Variants in HIF1AN observed in about 807,000 individuals in gnomAD.
HIF1AN encodes the protein hypoxia-inducible factor 1-alpha inhibitor.
Under a neutral mutation model 47.7 loss-of-function variants are expected in HIF1AN, and 21 were observed. That is an observed-to-expected ratio of 0.44 (90% CI 0.31 to 0.63). The LOEUF is 0.63. HIF1AN is among the 30% of genes least tolerant of loss of function. The pLI, the probability that HIF1AN is intolerant of heterozygous loss-of-function variation, is 0.07. For synonymous variants in HIF1AN, 152 were observed against 155.9 expected (o/e 0.98, Z 0.18); for missense variants, 320 against 432.7 (o/e 0.74, Z 2.31).
In HIF1AN at chr10:100,547,308, A is replaced by T. The variant is rs1843103643; in HGVS notation, c.1005+58A>T. On this transcript the variant is annotated intron_variant, in intron 7 of 7. Coordinates refer to ENST00000299163, the MANE Select transcript of HIF1AN (RefSeq NM_017902.3). ...GGGTTGACCAAGGAAAGTCAGGATC[A>T]GAGCGACATTCTTTACAGCTTCTGT... 18 of 1,000,472 alleles carry T rather than the reference A, an allele frequency of 1.8e-5. No individual in the cohort carries two copies. In the East Asian group the frequency reaches 4.5e-4, roughly 25 times the overall value. The allele number at this position is 1,000,472 out of a possible 1,614,324, so 62.0% of individuals were successfully genotyped here. A position where few individuals can be genotyped will look rare whatever the true frequency, so the allele number is the denominator to read the frequency against.
Position 100,549,825 on chromosome 10 carries a change from T to C in HIF1AN, c.*1688T>C, listed in dbSNP as rs1431496765. ...GGCTCTCACCCCTGAAGCTCAGTTA[T>C]AGTGCACTGATGAACTGAGAGGATG... On this transcript the variant is annotated 3_prime_UTR_variant, in exon 8 of 8. Transcript: ENST00000299163. 4 of 152,002 alleles carry C rather than the reference T, an allele frequency of 2.6e-5. No homozygotes were observed. The highest frequency in any genetic ancestry group is 3.2e-3 in the Middle Eastern group (1 of 316). The allele number at this position is 152,002 out of a possible 1,614,324, so 9.4% of individuals were successfully genotyped here.
At position 100,545,022 on chromosome 10, in the gene HIF1AN, A is replaced by G; in HGVS notation, c.649A>G (p.Ile217Val). Reference protein sequence around the residue: ...FAQIKGYKRCILFPPDQFECL... With the variant: ...FAQIKGYKRCVLFPPDQFECL... The stretch of plus-strand genomic sequence containing the variant: ...TCAGATAAAAGGTTACAAACGATGC[A>G]TCTTATTCCCTCCGGATCAGTTCGA... The change falls in exon 4 of 8, where the codon ATC becomes GTC. Residue 217 changes from isoleucine to valine, a missense_variant. Around this residue, in one of 2 missense-constraint regions of HIF1AN, gnomAD observed 161 missense variants for 272.8 expected, o/e 0.59. Coordinates refer to ENST00000299163, the MANE Select transcript of HIF1AN (RefSeq NM_017902.3). 1.2e-6 allele frequency: 2 copies of G among 1,614,212 alleles called. No homozygotes were observed. Among genetic ancestry groups the G allele is most frequent in the Non-Finnish European group, 8.5e-7 (1 of 1,180,012 alleles).
Position 100,554,211 on chromosome 10 carries a change from A to G in HIF1AN, c.*6074A>G, listed in dbSNP as rs561065403. 3.4e-4 allele frequency: 52 copies of G among 152,298 alleles called. No homozygotes were observed. Among genetic ancestry groups the G allele is most frequent in the African/African-American group, 1.1e-3 (44 of 41,562 alleles). 9.4% of individuals were successfully genotyped at this position (152,298 alleles called of 1,614,324 possible). ...CTGAGCTCCCCTTGCACTGTGTGAGAGGCCGTGGAGCCGAATGAGTCCTTA... is the reference window on the plus strand; with the variant it reads ...CTGAGCTCCCCTTGCACTGTGTGAGGGGCCGTGGAGCCGAATGAGTCCTTA... On this transcript the variant is annotated 3_prime_UTR_variant, in exon 8 of 8. Coordinates refer to ENST00000299163, the MANE Select transcript of HIF1AN (RefSeq NM_017902.3).
chr10:100,543,234 T>C (rs1490182112), intron 3 of HIF1AN, among the ~76,000 whole-genome samples: 1 of 152,068 alleles, frequency 6.6e-6, no homozygotes, highest in Non-Finnish European at 1.5e-5. Flanking sequence ...CTGTCACCCA[T>C]GCTGGTGTGC....
Position 100,548,075 on chromosome 10 carries a change from C to T in HIF1AN, c.1006-18C>T, listed in dbSNP as rs1205358282. ...AGGGAACAGCCAGTTCTGATTGGCT[C>T]CTCATGTTTCTTTACAGGTGGGGCC... On this transcript the variant is annotated intron_variant, in intron 7 of 7. Transcript: ENST00000299163. 8 of 1,613,676 alleles carry T rather than the reference C, an allele frequency of 5.0e-6. No individual in the cohort carries two copies. Among genetic ancestry groups the T allele is most frequent in the Admixed American group, 1.7e-5 (1 of 59,980 alleles).
chr10:100,544,885 G>A lies in HIF1AN; in HGVS notation c.578-66G>A, dbSNP rs148759742. The A allele has an allele frequency of 1.7e-5, 25 of 1,508,312 alleles. No individual in the cohort carries two copies. The East Asian group carries it at 5.7e-4, about 34-fold the overall frequency. 93.4% of individuals were successfully genotyped at this position (1,508,312 alleles called of 1,614,324 possible). Reference sequence around the variant, plus strand: ...AGGCTGGGTTTCTCTTTAGCACTGGGTCCTGTATTCCAGCTTATGCAATAG... The same window carrying A: ...AGGCTGGGTTTCTCTTTAGCACTGGATCCTGTATTCCAGCTTATGCAATAG... On this transcript the variant is annotated intron_variant, in intron 3 of 7. Coordinates refer to ENST00000299163, the MANE Select transcript of HIF1AN (RefSeq NM_017902.3).
In HIF1AN at chr10:100,554,925, C is replaced by T. The variant is rs948829415; in HGVS notation, c.*6788C>T. 6.6e-6 allele frequency: 1 copy of T among 152,096 alleles called. No individual in the cohort carries two copies. Among genetic ancestry groups the T allele is most frequent in the African/African-American group, 2.4e-5 (1 of 41,396 alleles). 9.4% of individuals were successfully genotyped at this position (152,096 alleles called of 1,614,324 possible). A position where few individuals can be genotyped will look rare whatever the true frequency, so the allele number is the denominator to read the frequency against. On this transcript the variant is annotated 3_prime_UTR_variant, in exon 8 of 8. Transcript: ENST00000299163. ...CTACCATTTGTTGAACACTTCTGTT[C>T]CAGGCACTGTATTAGTTCGTCCCCA...
Position 100,536,106 on chromosome 10 carries a change from C to T in HIF1AN, c.148C>T (p.Pro50Ser). Reference protein sequence around the residue: ...RPIPRLSQSDPRAEELIENEE... With the variant: ...RPIPRLSQSDSRAEELIENEE... ...CATTCCGCGTCTGAGTCAGAGCGACCCCCGGGCAGAGGAGCTTATTGAGAA... is the reference window on the plus strand; with the variant it reads ...CATTCCGCGTCTGAGTCAGAGCGACTCCCGGGCAGAGGAGCTTATTGAGAA... The change falls in exon 1 of 8, where the codon CCC (proline) becomes TCC (serine). Residue 50 changes from proline to serine, a missense_variant. Coordinates refer to ENST00000299163, the MANE Select transcript of HIF1AN (RefSeq NM_017902.3). 6.2e-7 allele frequency: 1 copy of T among 1,606,774 alleles called. No individual in the cohort carries two copies. The highest frequency in any genetic ancestry group is 1.7e-5 in the Admixed American group (1 of 58,708).
rs1016057520 is a variant in HIF1AN at position 100,550,411 on chromosome 10, C to T, written c.*2274C>T. On this transcript the variant is annotated 3_prime_UTR_variant, in exon 8 of 8. Transcript: ENST00000299163. The stretch of plus-strand genomic sequence containing the variant: ...TCTCACTTACAGATGAATAAATGGG[C>T]TCAGAGAGATTAGGTGATTAGTGAC... 6.6e-6 allele frequency: 1 copy of T among 152,210 alleles called. No individual in the cohort carries two copies. Among genetic ancestry groups the T allele is most frequent in the Non-Finnish European group, 1.5e-5 (1 of 68,024 alleles). The allele number at this position is 152,210 out of a possible 1,614,324, so 9.4% of individuals were successfully genotyped here.
rs1205992909 is a variant in HIF1AN, at chr10:100,551,539, G to C, written c.*3402G>C. The stretch of plus-strand genomic sequence containing the variant: ...GGGACCCAGTTGCCAGCCTGAGATG[G>C]ATATAGGAACAGACATCTTTGGGCA... On this transcript the variant is annotated 3_prime_UTR_variant, in exon 8 of 8. Coordinates refer to ENST00000299163, the MANE Select transcript of HIF1AN (RefSeq NM_017902.3). The C allele has an allele frequency of 6.6e-6, 1 of 152,204 alleles. No homozygotes were observed. Among genetic ancestry groups the C allele is most frequent in the Non-Finnish European group, 1.5e-5 (1 of 68,058 alleles). 9.4% of individuals were successfully genotyped at this position (152,204 alleles called of 1,614,324 possible).
rs1315362648 is a variant in HIF1AN, at chr10:100,548,601, C to A, written c.*464C>A. Reference sequence around the variant, plus strand: ...GAGAGAGAGATGAGATGCTCTTGGACTCCCCACTGCATCTGGGCTGCAGGG... The same window carrying A: ...GAGAGAGAGATGAGATGCTCTTGGAATCCCCACTGCATCTGGGCTGCAGGG... On this transcript the variant is annotated 3_prime_UTR_variant, in exon 8 of 8. Transcript: ENST00000299163. 1 of 156,846 alleles carries A rather than the reference C, an allele frequency of 6.4e-6. No homozygotes were observed. Among genetic ancestry groups the A allele is most frequent in the Non-Finnish European group, 1.4e-5 (1 of 70,544 alleles). 9.7% of individuals were successfully genotyped at this position (156,846 alleles called of 1,614,324 possible).
chr10:100,547,021 T>G (rs1843100426), intron 6 of HIF1AN, 119 bp from the exon 7 acceptor site: 1 of 723,754 alleles, frequency 1.4e-6, no homozygotes, highest in African/African-American at 1.8e-5. Context: ...ATTATAGGCC[T>G]GAGTCACCGT....
chr10:100,548,940 T>A lies in HIF1AN; in HGVS notation c.*803T>A, dbSNP rs1843123443. On this transcript the variant is annotated 3_prime_UTR_variant, in exon 8 of 8. Coordinates refer to ENST00000299163, the MANE Select transcript of HIF1AN (RefSeq NM_017902.3). The stretch of plus-strand genomic sequence containing the variant: ...GCCCCTATGCTGGGTACCAAGGGAG[T>A]TCTCCTAGCTGTGGCTTCTCTAGGT... The A allele has an allele frequency of 6.6e-6, 1 of 152,304 alleles. No individual in the cohort carries two copies. Among genetic ancestry groups the A allele is most frequent in the Non-Finnish European group, 1.5e-5 (1 of 68,066 alleles). The allele number at this position is 152,304 out of a possible 1,614,324, so 9.4% of individuals were successfully genotyped here. A position where few individuals can be genotyped will look rare whatever the true frequency, so the allele number is the denominator to read the frequency against.
chr10:100,537,499 T>C (rs11190602), intron 2 of HIF1AN, among the ~76,000 whole-genome samples: 31,725 of 152,164 alleles, frequency 0.21, 3,411 homozygotes, highest in South Asian at 0.23. Flanking sequence ...TAAAGAAGGT[T>C]AGGATTCTCT....
In HIF1AN at chr10:100,553,256, G is replaced by A. The variant is rs1179244746; in HGVS notation, c.*5119G>A. The A allele has an allele frequency of 1.3e-5, 2 of 152,226 alleles. No individual in the cohort carries two copies. Among genetic ancestry groups the A allele is most frequent in the Non-Finnish European group, 2.9e-5 (2 of 68,052 alleles). The allele number at this position is 152,226 out of a possible 1,614,324, so 9.4% of individuals were successfully genotyped here. A position where few individuals can be genotyped will look rare whatever the true frequency, so the allele number is the denominator to read the frequency against. On this transcript the variant is annotated 3_prime_UTR_variant, in exon 8 of 8. Transcript: ENST00000299163. ...ACGTGGAACATGTCCCCTTCATGGA[G>A]GGTTTCCATCTAAATGCATCTGTGT...
Position 100,536,584 on chromosome 10 carries a change from G to T in HIF1AN, c.351G>T (p.Arg117Ser). ...KMANFQNFKP[R>S]SNREEMKFHE... ...CCAATTTCCAGAACTTTAAGCCGAG[G>T]TCCAACAGGGAAGAAATGAAATTTC... The change falls in exon 2 of 8, where the codon AGG (arginine) becomes AGT (serine). Residue 117 changes from arginine to serine, a missense_variant. By Grantham distance (110) the Arg-to-Ser change is moderately radical. Coordinates refer to ENST00000299163, the MANE Select transcript of HIF1AN (RefSeq NM_017902.3). The T allele has an allele frequency of 6.2e-7, 1 of 1,614,194 alleles. No homozygotes were observed. The highest frequency in any genetic ancestry group is 8.5e-7 in the Non-Finnish European group (1 of 1,180,026).
At position 100,547,123 on chromosome 10, in the gene HIF1AN, TA is replaced by T. The variant is rs1843101902; in HGVS notation, c.895-16del. On this transcript the variant is annotated splice_polypyrimidine_tract_variant and intron_variant, in intron 6 of 7. Transcript: ENST00000299163. ...CTGCTGCTAAAGGCATTTCCTGAGC[TA>T]CTGCTTCCTTTGTAGGGGGCTCCCA... 2.5e-6 allele frequency: 4 copies of T among 1,578,816 alleles called. No homozygotes were observed. In the East Asian group the frequency reaches 9.0e-5, roughly 35 times the overall value.
At position 100,556,969 on chromosome 10, in the gene HIF1AN, C is replaced by A. The variant is rs926523208; in HGVS notation, c.*8832C>A. 3 of 152,156 alleles carry A rather than the reference C, an allele frequency of 2.0e-5. No individual in the cohort carries two copies. The highest frequency in any genetic ancestry group is 7.2e-5 in the African/African-American group (3 of 41,424). The allele number at this position is 152,156 out of a possible 1,614,324, so 9.4% of individuals were successfully genotyped here. ...GCTTTTCTGATCCTACTCTGACTCT[C>A]AAGATAATGGTGCTTGAAGTGAAAT... On this transcript the variant is annotated 3_prime_UTR_variant, in exon 8 of 8. Coordinates refer to ENST00000299163, the MANE Select transcript of HIF1AN (RefSeq NM_017902.3).
chr10:100,536,947 C>T (rs1564660933), intron 2 of HIF1AN, among the ~76,000 whole-genome samples: 1 of 152,118 alleles, frequency 6.6e-6, no homozygotes, highest in South Asian at 2.1e-4. Flanking sequence ...GAGTTAGTTG[C>T]CTAGAAGGGT....
Sources: allele counts gnomAD v4.1 joint callset (sites outside exome capture counted in the v4.1 genomes callset), GRCh38; gene constraint gnomAD v4.1.1; regional missense constraint gnomAD v4.1.1; transcripts MANE v1.5; gene names NCBI Gene and HGNC (gene_info 2026-07-23, HGNC 2026-07-21).